Variants in CUL9 observed in about 807,000 individuals in gnomAD.
The protein encoded by CUL9 is cullin 9, also known as cullin-9.
In CUL9, 79 loss-of-function variants were observed where a neutral mutation model predicts 272.6. The observed-to-expected ratio is 0.29, with a 90% confidence interval of 0.24 to 0.35. CUL9 has a LOEUF of 0.35. Ranked by LOEUF, CUL9 falls within the 10% of genes least tolerant of loss-of-function variation. CUL9 has a pLI of 1.00. For synonymous variants in CUL9, 1,186 were observed against 1,286.5 expected, an observed-to-expected ratio of 0.92 and a Z score of 1.67; for missense variants, 2,532 against 3,255.6, an observed-to-expected ratio of 0.78 and a Z score of 5.41.
At chr6:43,214,889 A>G (rs1562055474) in intron 29 of CUL9, among the ~76,000 whole-genome samples, 190 bp from the exon 30 acceptor site, 1 of 151,588 alleles carries the variant, frequency 6.6e-6, no homozygotes, top group African/African-American at 2.4e-5. Context: ...ATGCAGGAGG[A>G]TTACTTGAGT....
In CUL9 at chr6:43,221,747, A is replaced by T; in HGVS notation, c.6815A>T (p.Asn2272Ile). Residue 2272 changes from asparagine to isoleucine, a missense_variant, in exon 35 of 41, where the codon AAT becomes ATT. Transcript: ENST00000252050. The surrounding 1 kb of genome is among the most constrained non-coding windows in gnomAD (Gnocchi z 4.2). Reference protein sequence around the residue: ...CWRCLKSWKPNHKDYYNCSAM... With the variant: ...CWRCLKSWKPIHKDYYNCSAM... Reference sequence around the variant, plus strand: ...CGCTGCCTCAAGTCCTGGAAGCCAAATCACAAAGACTATTACAACTGCTCT... The same window carrying T: ...CGCTGCCTCAAGTCCTGGAAGCCAATTCACAAAGACTATTACAACTGCTCT... The T allele has an allele frequency of 1.2e-6, 2 of 1,613,542 alleles. No homozygotes were observed. Among genetic ancestry groups the T allele is most frequent in the Non-Finnish European group, 1.7e-6 (2 of 1,180,014 alleles).
Position 43,193,117 on chromosome 6 carries a change from C to T in CUL9, c.2297C>T (p.Pro766Leu), listed in dbSNP as rs748759827. The T allele has an allele frequency of 2.4e-5, 39 of 1,614,026 alleles. No individual in the cohort carries two copies. The highest frequency in any genetic ancestry group is 4.5e-5 in the East Asian group (2 of 44,874). Residue 766 changes from proline to leucine, a missense_variant, in exon 9 of 41, where the codon CCG becomes CTG. This residue lies in a region of CUL9 where 2,218 missense variants were observed against 2,788.6 expected (regional missense o/e 0.80). Transcript: ENST00000252050. ...CTCATGACCAAGCACGAGTGGCGGC[C>T]GCTCTTTGCCAGGGAGGGTGGCATC... Reference protein sequence around the residue: ...YLLMTKHEWRPLFAREGGIYA... With the variant: ...YLLMTKHEWRLLFAREGGIYA...
Position 43,206,378 on chromosome 6 carries a change from G to C in CUL9, c.5080G>C (p.Ala1694Pro), listed in dbSNP as rs1423998209. The C allele has an allele frequency of 6.2e-6, 10 of 1,614,188 alleles. No individual in the cohort carries two copies. The highest frequency in any genetic ancestry group is 8.5e-6 in the Non-Finnish European group (10 of 1,180,040). Reference sequence around the variant, plus strand: ...ATTATTTATCGAAGATCCAAGTCCAGCCATTTCTATACTGGTCCTGTCACC... The same window carrying C: ...ATTATTTATCGAAGATCCAAGTCCACCCATTTCTATACTGGTCCTGTCACC... Reference protein sequence around the residue: ...KELFIEDPSPAISILVLSPRC... With the variant: ...KELFIEDPSPPISILVLSPRC... The change falls in exon 26 of 41, where the codon GCC (alanine) becomes CCC (proline). Residue 1694 changes from alanine (A) to proline (P), a missense_variant. Physicochemically the swap from Ala to Pro is conservative, Grantham distance 27 (BLOSUM62 -1). Transcript: ENST00000252050. This position sits in a 1 kb window ranked among gnomAD's most constrained non-coding sequence, Gnocchi z 4.8.
At chr6:43,216,818 C>G (rs1457876613) in intron 31 of CUL9, among the ~76,000 whole-genome samples, 1 of 152,200 alleles carries the variant, frequency 6.6e-6, no homozygotes, top group East Asian at 1.9e-4. Context: ...AAACCAGAAT[C>G]TCTGGAGGTG....
Position 43,199,422 on chromosome 6 carries a change from C to A in CUL9, c.3156+51C>A. 7.0e-7 allele frequency: 1 copy of A among 1,436,110 alleles called. No homozygotes were observed. Among genetic ancestry groups the A allele is most frequent in the Non-Finnish European group, 9.8e-7 (1 of 1,020,320 alleles). The allele number at this position is 1,436,110 out of a possible 1,614,324, so 89.0% of individuals were successfully genotyped here. ...AGAGGGAAGGGCAGCATCTGGGGCA[C>A]CAACTCCTTGTGAGGCTCTGGAGGG... On this transcript the variant is annotated intron_variant, in intron 13 of 40. Transcript: ENST00000252050. The surrounding 1 kb of genome is among the most constrained non-coding windows in gnomAD (Gnocchi z 4.4).
rs559061400 is a variant in CUL9, at chr6:43,184,310, G to C, written c.-1G>C. ...CTCCTTGTGTATCCCAGGAGGTCAGGATGGTGGGGGAACGGCATGCTGGGG... is the reference window on the plus strand; with the variant it reads ...CTCCTTGTGTATCCCAGGAGGTCAGCATGGTGGGGGAACGGCATGCTGGGG... On this transcript the variant is annotated 5_prime_UTR_variant, in exon 2 of 41. Transcript: ENST00000252050. This position sits in a 1 kb window ranked among gnomAD's most constrained non-coding sequence, Gnocchi z 4.8. 1 of 1,504,846 alleles carries C rather than the reference G, an allele frequency of 6.6e-7. No homozygotes were observed. Among genetic ancestry groups the C allele is most frequent in the African/African-American group, 1.4e-5 (1 of 71,728 alleles). 93.2% of individuals were successfully genotyped at this position (1,504,846 alleles called of 1,614,324 possible).
intron 20 of CUL9, 115 bp from the exon 21 acceptor site, chr6:43,204,245 G>C: frequency 1.5e-6 from 2 of 1,303,212 alleles, no homozygotes; most frequent in Non-Finnish European, 2.1e-6. Context: ...GGGAGGACTA[G>C]GGCCCCACTA....
chr6:43,208,224 CAG>C (rs1775195144), intron 26 of CUL9, among the ~76,000 whole-genome samples: 1 of 152,074 alleles, frequency 6.6e-6, no homozygotes, highest in African/African-American at 2.4e-5. Context: ...TTTTTTGAGA[CAG>C]AGTCTCACTC....
At chr6:43,217,825 T>C (rs79630229) in intron 31 of CUL9, among the ~76,000 whole-genome samples, 10,123 of 152,314 alleles carry the variant, frequency 0.066, 429 homozygotes, top group Admixed American at 0.094. Flanking sequence ...AAATGAGGTA[T>C]TGAAAAAAAT....
In CUL9 at chr6:43,221,829, G is replaced by A. The variant is rs754341989; in HGVS notation, c.6846+51G>A. 2.6e-6 allele frequency: 4 copies of A among 1,515,926 alleles called. No homozygotes were observed. The highest frequency in any genetic ancestry group is 3.4e-5 in the Admixed American group (2 of 58,332). The allele number at this position is 1,515,926 out of a possible 1,614,324, so 93.9% of individuals were successfully genotyped here. On this transcript the variant is annotated intron_variant, in intron 35 of 40. Transcript: ENST00000252050. The surrounding 1 kb of genome is among the most constrained non-coding windows in gnomAD (Gnocchi z 4.2). ...GCAGAGGCCCAGAGCCGTCGGGGAG[G>A]GGTGCTGCTACCAGGTCCTGGGCAG...
chr6:43,206,224 G>A lies in CUL9; in HGVS notation c.5011G>A (p.Glu1671Lys). The A allele has an allele frequency of 6.2e-7, 1 of 1,611,982 alleles. No individual in the cohort carries two copies. Among genetic ancestry groups the A allele is most frequent in the South Asian group, 1.1e-5 (1 of 90,900 alleles). The change falls in exon 25 of 41, where the codon GAG becomes AAG. Residue 1671 changes from glutamate (E) to lysine (K), a missense_variant. Glu to Lys is a moderately conservative substitution (Grantham distance 56). Coordinates refer to ENST00000252050, the MANE Select transcript of CUL9 (RefSeq NM_015089.4). The surrounding 1 kb of genome is among the most constrained non-coding windows in gnomAD (Gnocchi z 4.8). ...GGAAGATGAGGAGGAAAAGAGACTA[G>A]AGGAAGAGGAGGTAAGAGCAGGGAG... ...EQEDEEEKRLEEEEEEEEEEE... is the reference protein window; with the variant it reads ...EQEDEEEKRLKEEEEEEEEEE...
At chr6:43,205,870 G>A in intron 24 of CUL9, 137 bp from the exon 25 acceptor site, 1 of 681,272 alleles carries the variant, frequency 1.5e-6, no homozygotes, top group Non-Finnish European at 2.5e-6. Context: ...TGCATTGGTG[G>A]AAAGGGAGTG....
intron 16 of CUL9, among the ~76,000 whole-genome samples, chr6:43,201,706 C>G (rs1047456595): frequency 1.3e-5 from 2 of 152,186 alleles, no homozygotes; most frequent in South Asian, 2.1e-4. Flanking sequence ...GTCTCGATCT[C>G]CTGACCTCGT....
intron 4 of CUL9, 83 bp from the exon 5 acceptor site, chr6:43,186,877 A>T: frequency 6.5e-7 from 1 of 1,528,066 alleles, no homozygotes; most frequent in Non-Finnish European, 8.9e-7. Flanking sequence ...ATGCTTGGGC[A>T]TGTCCTTTCA....
At position 43,193,116 on chromosome 6, in the gene CUL9, C is replaced by T. The variant is rs779551048; in HGVS notation, c.2296C>T (p.Pro766Ser). ...YLLMTKHEWR[P>S]LFAREGGIYA... Reference sequence around the variant, plus strand: ...GCTCATGACCAAGCACGAGTGGCGGCCGCTCTTTGCCAGGGAGGGTGGCAT... The same window carrying T: ...GCTCATGACCAAGCACGAGTGGCGGTCGCTCTTTGCCAGGGAGGGTGGCAT... Residue 766 changes from proline to serine, a missense_variant, in exon 9 of 41, where the codon CCG becomes TCG. By Grantham distance (74) the Pro-to-Ser change is moderately conservative. Coordinates refer to ENST00000252050, the MANE Select transcript of CUL9 (RefSeq NM_015089.4). The T allele has an allele frequency of 2.5e-6, 4 of 1,614,048 alleles. No individual in the cohort carries two copies. Among genetic ancestry groups the T allele is most frequent in the Admixed American group, 3.3e-5 (2 of 60,002 alleles).
At chr6:43,188,393 A>C in intron 7 of CUL9, 130 bp from the exon 8 acceptor site, 3 of 961,324 alleles carry the variant, frequency 3.1e-6, no homozygotes, top group Non-Finnish European at 4.5e-6. Flanking sequence ...ACAGAATTGG[A>C]AAACTCTGCA....
rs748062581 is a variant in CUL9, at chr6:43,203,109, G to A, written c.3754G>A (p.Val1252Met). 1.9e-6 allele frequency: 3 copies of A among 1,613,148 alleles called. No individual in the cohort carries two copies. In the South Asian group the frequency reaches 3.3e-5, roughly 18 times the overall value. The stretch of plus-strand genomic sequence containing the variant: ...TCCCTCTTCTCCCCTGCCCTACCAG[G>A]TGAATGTGATGCCCTCTGCCAGCCG... ...TSCIGTELNT[V>M]NVMPSASRVI... is the part of the protein sequence containing the mutation. Residue 1252 changes from valine to methionine, a missense_variant and splice_region_variant, in exon 18 of 41, where the codon GTG becomes ATG. Around this residue, in one of 3 missense-constraint regions of CUL9, gnomAD observed 2,218 missense variants for 2,788.6 expected, o/e 0.80. Transcript: ENST00000252050. This position sits in a 1 kb window ranked among gnomAD's most constrained non-coding sequence, Gnocchi z 5.0.
chr6:43,203,359 T>C lies in CUL9; in HGVS notation c.3850-58T>C. 1 of 1,607,460 alleles carries C rather than the reference T, an allele frequency of 6.2e-7. No individual in the cohort carries two copies. The highest frequency in any genetic ancestry group is 8.5e-7 in the Non-Finnish European group (1 of 1,175,984). ...GAGCTCAGGGCAGGAGGCTTGGCTT[T>C]GGTAGTACTTAGTGGCTCAAGCGGC... is the stretch of plus-strand genomic sequence containing the variant. On this transcript the variant is annotated intron_variant, in intron 18 of 40. Transcript: ENST00000252050. The surrounding 1 kb of genome is among the most constrained non-coding windows in gnomAD (Gnocchi z 5.0).
At chr6:43,201,802 C>T (rs918783945) in intron 16 of CUL9, among the ~76,000 whole-genome samples, 6 of 152,082 alleles carry the variant, frequency 3.9e-5, no homozygotes, top group East Asian at 3.9e-4. Context: ...GTCTAAGTGG[C>T]GGAAGATACA....
Sources: gnomAD v4.1 joint callset for allele counts (sites outside exome capture counted in the v4.1 genomes callset) on GRCh38, gnomAD v4.1.1 for gene constraint, gnomAD v4.1.1 regional missense constraint, Gnocchi (gnomAD v3.1) non-coding constraint, MANE v1.5 for transcripts, NCBI Gene and HGNC (gene_info 2026-07-23, HGNC 2026-07-21) for gene names.